RAB17: variants seen among roughly 807,000 people sequenced by gnomAD.
RAB17 encodes the protein ras-related protein Rab-17.
Under a neutral mutation model 19.3 loss-of-function variants are expected in RAB17, and 15 were observed. The ratio of observed to expected loss-of-function variants is 0.78; its 90% CI spans 0.52 to 1.20. The LOEUF (loss-of-function observed/expected upper bound fraction) is 1.20. RAB17 is among the 50% of genes most tolerant of loss of function. The pLI, the probability that RAB17 is intolerant of heterozygous loss-of-function variation, is 0.00. For synonymous variants in RAB17, 110 were observed against 112.8 expected, an observed-to-expected ratio of 0.97 and a Z score of 0.16; for missense variants, 262 against 269.3, an observed-to-expected ratio of 0.97 and a Z score of 0.19.
At chr2:237,584,033 C>T (rs2081329173) in intron 2 of RAB17, among the ~76,000 whole-genome samples, 2 of 151,768 alleles carry the variant, frequency 1.3e-5, no homozygotes, top group Non-Finnish European at 2.9e-5. Context: ...TTGGTACAGG[C>T]AGGGCAGGTG....
intron 3 of RAB17, 169 bp downstream of exon 3, chr2:237,577,835 C>T (rs1386505889): frequency 4.1e-6 from 3 of 731,330 alleles, no homozygotes; most frequent in Non-Finnish European, 6.8e-6. Flanking sequence ...CAGAACCCCA[C>T]TGTGGAGGAG....
chr2:237,578,028 A>T lies in RAB17; in HGVS notation c.285T>A (p.Leu95=). The change falls in exon 3 of 6, where the codon CTT becomes CTA. Residue 95 remains leucine, a synonymous_variant. Transcript: ENST00000264601. The part of the protein sequence containing the change: ...HLYFRGANAA[L]LVYDITRKDS... ...CCTTCCTGGTGATGTCGTACACCAG[A>T]AGCGCAGCGTTGGCACCCCTGAAGT... 1 of 1,609,902 alleles carries T rather than the reference A, an allele frequency of 6.2e-7. No homozygotes were observed. Among genetic ancestry groups the T allele is most frequent in the Non-Finnish European group, 8.5e-7 (1 of 1,176,576 alleles).
intron 2 of RAB17, 62 bp from the exon 3 acceptor site, chr2:237,578,217 G>A: frequency 3.9e-6 from 6 of 1,528,700 alleles, no homozygotes; most frequent in Middle Eastern, 1.8e-4. Context: ...CGGCTCAGGT[G>A]GGACCACGGC....
chr2:237,584,616 C>T (rs1226383476), intron 2 of RAB17, among the ~76,000 whole-genome samples: 1 of 152,130 alleles, frequency 6.6e-6, no homozygotes, highest in Non-Finnish European at 1.5e-5. Flanking sequence ...TGCAGACCTC[C>T]GTGTCAGAGT....
chr2:237,590,142 T>A (rs557168601), intron 1 of RAB17, among the ~76,000 whole-genome samples: 1 of 150,734 alleles, frequency 6.6e-6, no homozygotes, highest in Admixed American at 6.6e-5. Flanking sequence ...TAAGAGTTCT[T>A]CTCATTACCA....
intron 1 of RAB17, among the ~76,000 whole-genome samples, chr2:237,589,805 C>A (rs2081379103): frequency 6.6e-6 from 1 of 152,132 alleles, no homozygotes; most frequent in African/African-American, 2.4e-5. Context: ...GCTTTTTAAT[C>A]TCTTGCACCT....
At chr2:237,586,179 T>C (rs1393059527) in intron 1 of RAB17, 22 bp from the exon 2 acceptor site, 4 of 1,561,958 alleles carry the variant, frequency 2.6e-6, no homozygotes, top group Non-Finnish European at 3.5e-6. Flanking sequence ...CACAACCGTC[T>C]GAAGCAAGTG....
intron 4 of RAB17, among the ~76,000 whole-genome samples, chr2:237,576,968 C>T (rs527365704): frequency 3.0e-4 from 46 of 152,292 alleles, no homozygotes; most frequent in Middle Eastern, 6.8e-3. Context: ...CTGAGTTTTT[C>T]AGGAAAGACC....
intron 3 of RAB17, chr2:237,577,797 G>T: frequency 1.7e-6 from 1 of 595,810 alleles, no homozygotes; most frequent in Non-Finnish European, 2.9e-6. Flanking sequence ...AGATGGCAAC[G>T]GCATGTTCTT....
intron 2 of RAB17, 183 bp from the exon 3 acceptor site, chr2:237,578,338 A>C (rs1574933483): frequency 3.4e-6 from 2 of 591,522 alleles, no homozygotes; most frequent in East Asian, 5.6e-5. Context: ...AGCCTTCCAC[A>C]TCGAGCAAAG....
chr2:237,588,206 C>T (rs13425406), intron 1 of RAB17, among the ~76,000 whole-genome samples: 28,988 of 151,866 alleles, frequency 0.19, 5,228 homozygotes, highest in African/African-American at 0.48. Flanking sequence ...CGTTAATCCA[C>T]GCCCAGCACA....
intron 1 of RAB17, among the ~76,000 whole-genome samples, chr2:237,590,165 GTT>G (rs11308748): frequency 0.073 from 10,806 of 147,986 alleles, 540 homozygotes; most frequent in South Asian, 0.12. Flanking sequence ...AGTTTTTTGT[GTT>G]TTTTTTTTTC....
rs1574933023 is a variant in RAB17 at position 237,577,779 on chromosome 2, T to C, written c.309+225A>G. 7.3e-6 allele frequency: 4 copies of C among 549,326 alleles called. No individual in the cohort carries two copies. The East Asian group carries it at 1.2e-4, about 16-fold the overall frequency. 34.0% of individuals were successfully genotyped at this position (549,326 alleles called of 1,614,324 possible). ...ACCCTAATGCAGCACCAGGAACTACTGAGTGGCAGATGGCAACGGCATGTT... is the reference window on the plus strand; with the variant it reads ...ACCCTAATGCAGCACCAGGAACTACCGAGTGGCAGATGGCAACGGCATGTT... On this transcript the variant is annotated intron_variant, in intron 3 of 5. Transcript: ENST00000264601.
At chr2:237,577,201 G>T in intron 4 of RAB17, 56 bp downstream of exon 4, 2 of 1,565,770 alleles carry the variant, frequency 1.3e-6, no homozygotes, top group Non-Finnish European at 8.7e-7. Flanking sequence ...CTTGACACAG[G>T]CGGGCAGGGC....
chr2:237,582,436 G>A (rs1490155114), intron 2 of RAB17, among the ~76,000 whole-genome samples: 1 of 152,262 alleles, frequency 6.6e-6, no homozygotes, highest in Non-Finnish European at 1.5e-5. Context: ...CTCCAGGAAG[G>A]TGTTTACACT....
intron 5 of RAB17, 109 bp from the exon 6 acceptor site, chr2:237,575,237 C>A: frequency 9.3e-7 from 1 of 1,076,696 alleles, no homozygotes; most frequent in Non-Finnish European, 1.4e-6. Context: ...TTACCCTGAA[C>A]CATAGAACAA....
intron 1 of RAB17, among the ~76,000 whole-genome samples, chr2:237,588,297 C>A (rs1304960982): frequency 2.0e-5 from 3 of 152,200 alleles, no homozygotes; most frequent in Admixed American, 6.5e-5. Flanking sequence ...GATGACACAG[C>A]AAGAAGGCCC....
At chr2:237,580,757 G>A (rs370568871) in intron 2 of RAB17, among the ~76,000 whole-genome samples, 19 of 151,696 alleles carry the variant, frequency 1.3e-4, no homozygotes, top group African/African-American at 3.4e-4. Flanking sequence ...AAAAAAGAAG[G>A]GGGGGGAGGA....
At chr2:237,587,840 A>T (rs1267946116) in intron 1 of RAB17, among the ~76,000 whole-genome samples, 1 of 136,348 alleles carries the variant, frequency 7.3e-6, no homozygotes, top group African/African-American at 3.3e-5. Context: ...CTTAAAAAAA[A>T]AAAAAAGAAA....
Sources: allele counts gnomAD v4.1 joint callset (sites outside exome capture counted in the v4.1 genomes callset), GRCh38; gene constraint gnomAD v4.1.1; transcripts MANE v1.5; gene names NCBI Gene and HGNC (gene_info 2026-07-23, HGNC 2026-07-21).